DMBX1: variants seen among roughly 807,000 people sequenced by gnomAD.
DMBX1 encodes diencephalon/mesencephalon homeobox protein 1.
A neutral mutation model predicts 30.4 loss-of-function variants in DMBX1; 7 were observed. The observed-to-expected ratio is 0.23, with a 90% CI of 0.13 to 0.43. The LOEUF is 0.43. DMBX1 is among the 20% of genes least tolerant of loss of function. DMBX1 has a pLI of 1.00. For missense variants in DMBX1, 460 were observed against 508.5 expected (o/e 0.90, Z 0.92); for synonymous variants, 222 against 214.2 (o/e 1.04, Z -0.32).
intron 3 of DMBX1, among the ~76,000 whole-genome samples, chr1:46,508,815 A>AC (rs1666291716): frequency 2.4e-5 from 2 of 82,364 alleles, no homozygotes; most frequent in Non-Finnish European, 5.2e-5. Flanking sequence ...CACGCCCCCC[A>AC]CCCCCCACCC....
Position 46,510,695 on chromosome 1 carries a change from C to T in DMBX1, c.333+41C>T. Reference sequence around the variant, plus strand: ...CCTAACTAGGCCTTGCAGACAAACACCAGCCCATCAGTCTGCCCGCTTGTC... The same window carrying T: ...CCTAACTAGGCCTTGCAGACAAACATCAGCCCATCAGTCTGCCCGCTTGTC... On this transcript the variant is annotated intron_variant, in intron 4 of 5. Transcript: ENST00000360032. This position sits in a 1 kb window ranked among gnomAD's most constrained non-coding sequence, Gnocchi z 4.1. 6.3e-7 allele frequency: 1 copy of T among 1,593,020 alleles called. No individual in the cohort carries two copies. The highest frequency in any genetic ancestry group is 1.1e-5 in the South Asian group (1 of 88,868).
chr1:46,500,518 G>C (rs183687851), intron 2 of DMBX1, among the ~76,000 whole-genome samples: 1 of 151,624 alleles, frequency 6.6e-6, no homozygotes, highest in Non-Finnish European at 1.5e-5. Flanking sequence ...CATATCCAGC[G>C]AAAGACGTGG....
At chr1:46,509,158 C>T (rs1484224644) in intron 3 of DMBX1, among the ~76,000 whole-genome samples, 6 of 151,962 alleles carry the variant, frequency 3.9e-5, no homozygotes, top group South Asian at 2.1e-4. Flanking sequence ...CTGCAACCTC[C>T]GCCTCCTGGG....
chr1:46,512,120 T>A lies in DMBX1; in HGVS notation c.760T>A (p.Ser254Thr), dbSNP rs1416105169. The A allele has an allele frequency of 6.2e-7, 1 of 1,613,808 alleles. No homozygotes were observed. The highest frequency in any genetic ancestry group is 2.2e-5 in the East Asian group (1 of 44,844). The change falls in exon 6 of 6, where the codon TCC becomes ACC. Residue 254 changes from serine (S) to threonine (T), a missense_variant. Around this residue, in one of 3 missense-constraint regions of DMBX1, gnomAD observed 334 missense variants for 345.1 expected, o/e 0.97. Transcript: ENST00000360032. This position sits in a 1 kb window ranked among gnomAD's most constrained non-coding sequence, Gnocchi z 4.8. ...GGGCCCCTCCCACTCCTATTCCTCG[T>A]CCCCGCTGAGCCTCTTCCGTCTGCA... The part of the protein sequence containing the change: ...LLGPSHSYSS[S>T]PLSLFRLQEQ...
intron 2 of DMBX1, among the ~76,000 whole-genome samples, chr1:46,499,361 C>A (rs1308424048): frequency 6.6e-6 from 1 of 152,188 alleles, no homozygotes; most frequent in Non-Finnish European, 1.5e-5. Context: ...TGCTGTCCTC[C>A]TATTGCCTTG....
chr1:46,513,777 A>G lies in DMBX1; in HGVS notation c.*1283A>G, dbSNP rs1424083433. 1 of 152,270 alleles carries G rather than the reference A, an allele frequency of 6.6e-6. No individual in the cohort carries two copies. The highest frequency in any genetic ancestry group is 1.5e-5 in the Non-Finnish European group (1 of 68,054). 9.4% of individuals were successfully genotyped at this position (152,270 alleles called of 1,614,324 possible). On this transcript the variant is annotated 3_prime_UTR_variant, in exon 6 of 6. Transcript: ENST00000360032. Reference sequence around the variant, plus strand: ...CTGCTCCTGAGCACGGTGCGTGCAAAGCATATAGCAGCACATAGGCTCAGG... The same window carrying G: ...CTGCTCCTGAGCACGGTGCGTGCAAGGCATATAGCAGCACATAGGCTCAGG...
At chr1:46,511,793 G>A (rs1666377358) in intron 5 of DMBX1, among the ~76,000 whole-genome samples, 2 of 152,224 alleles carry the variant, frequency 1.3e-5, no homozygotes, top group South Asian at 4.2e-4. Flanking sequence ...TACAGCCCTT[G>A]AAAAGAAAAA....
intron 2 of DMBX1, among the ~76,000 whole-genome samples, chr1:46,501,762 C>G (rs1364528837): frequency 1.3e-5 from 2 of 151,468 alleles, no homozygotes; most frequent in Non-Finnish European, 2.9e-5. Flanking sequence ...CAAGTGATCC[C>G]CTCACTTTAG....
chr1:46,499,447 T>TA (rs543712889), intron 2 of DMBX1, among the ~76,000 whole-genome samples: 2 of 152,210 alleles, frequency 1.3e-5, no homozygotes, highest in African/African-American at 2.4e-5. Context: ...GGTTGGGAAA[T>TA]ACTAGCTAGT....
rs190265898 is a variant in DMBX1, at chr1:46,489,871, T to G, written c.-159T>G. Among the ~76,000 whole-genome samples the G allele has an allele frequency of 6.7e-3, 1,001 of 149,802 alleles. 40 individuals are homozygous for G. The highest frequency in any genetic ancestry group is 0.061 in the Admixed American group (919 of 15,134). On this transcript the variant is annotated 5_prime_UTR_variant, in exon 1 of 6. Transcript: ENST00000360032. ...GCGGAGGCGGCGGCGCGGGCCGGGG[T>G]GACCAGGTACGAGCGGGCGGGGCTG...
chr1:46,511,433 T>C, intron 5 of DMBX1, 150 bp downstream of exon 5: 1 of 959,532 alleles, frequency 1.0e-6, no homozygotes, highest in Non-Finnish European at 1.5e-6. Context: ...TTTCACCCTT[T>C]AGTTGCAGAG....
chr1:46,496,283 C>T (rs558328207), intron 2 of DMBX1, among the ~76,000 whole-genome samples: 1 of 152,272 alleles, frequency 6.6e-6, no homozygotes, highest in East Asian at 1.9e-4. Context: ...CTGCAGGGTC[C>T]TTGGTCAGGG....
intron 5 of DMBX1, among the ~76,000 whole-genome samples, chr1:46,511,679 C>T (rs1196039845): frequency 6.6e-6 from 1 of 152,042 alleles, no homozygotes; most frequent in Non-Finnish European, 1.5e-5. Context: ...TGAGGCATAT[C>T]TCAGATACAA....
intron 1 of DMBX1, among the ~76,000 whole-genome samples, 151 bp downstream of exon 1, chr1:46,490,028 A>C (rs1354639204): frequency 6.6e-6 from 1 of 152,176 alleles, no homozygotes; most frequent in Non-Finnish European, 1.5e-5. Flanking sequence ...GTTTGCAGGG[A>C]GCCAGGGACT....
At chr1:46,511,409 G>C (rs1206699547) in intron 5 of DMBX1, 126 bp downstream of exon 5, 15 of 1,126,988 alleles carry the variant, frequency 1.3e-5, no homozygotes, top group Non-Finnish European at 1.8e-5. Flanking sequence ...GACCACAGCA[G>C]GCCTGGGCCA....
In DMBX1 at chr1:46,510,959, A is replaced by C; in HGVS notation, c.358A>C (p.Lys120Gln). The C allele has an allele frequency of 6.2e-7, 1 of 1,608,702 alleles. No individual in the cohort carries two copies. The highest frequency in any genetic ancestry group is 8.5e-7 in the Non-Finnish European group (1 of 1,176,864). Residue 120 changes from lysine (K) to glutamine (Q), a missense_variant, in exon 5 of 6, where the codon AAG (lysine) becomes CAG (glutamine). By Grantham distance (53) the Lys-to-Gln change is moderately conservative (BLOSUM62 1). Around this residue, in one of 3 missense-constraint regions of DMBX1, gnomAD observed 334 missense variants for 345.1 expected, o/e 0.97. Transcript: ENST00000360032. This position sits in a 1 kb window ranked among gnomAD's most constrained non-coding sequence, Gnocchi z 4.1. The part of the protein sequence containing the change: ...VQVWFKNRRA[K>Q]FRKKQRSLQK... ...GGTGTGGTTCAAGAACCGCCGGGCC[A>C]AGTTCCGGAAGAAGCAGCGTAGCCT... is the stretch of plus-strand genomic sequence containing the variant.
chr1:46,504,919 G>A (rs1267027963), intron 2 of DMBX1, among the ~76,000 whole-genome samples: 3 of 151,862 alleles, frequency 2.0e-5, no homozygotes, highest in African/African-American at 7.3e-5. Context: ...TCTCCTTGAA[G>A]AGGTCCTTCA....
intron 1 of DMBX1, among the ~76,000 whole-genome samples, 176 bp from the exon 2 acceptor site, chr1:46,490,468 G>A (rs1665908622): frequency 6.6e-6 from 1 of 152,148 alleles, no homozygotes; most frequent in African/African-American, 2.4e-5. Context: ...CGGACCAGAT[G>A]CGGCCTGGGG....
chr1:46,513,082 A>C lies in DMBX1; in HGVS notation c.*588A>C. 1 of 150,490 alleles carries C rather than the reference A, an allele frequency of 6.6e-6. No individual in the cohort carries two copies. Among genetic ancestry groups the C allele is most frequent in the Non-Finnish European group, 1.5e-5 (1 of 67,854 alleles). 9.3% of individuals were successfully genotyped at this position (150,490 alleles called of 1,614,324 possible). A position where few individuals can be genotyped will look rare whatever the true frequency, so the allele number is the denominator to read the frequency against. On this transcript the variant is annotated 3_prime_UTR_variant, in exon 6 of 6. Transcript: ENST00000360032. ...TCTCGGCCCAGCCTCTGTATTCTCC[A>C]CCCTTGATCTTTCTCCTTGTCTCTC...
Sources: allele counts gnomAD v4.1 joint callset (sites outside exome capture counted in the v4.1 genomes callset), GRCh38; gene constraint gnomAD v4.1.1; regional missense constraint gnomAD v4.1.1; non-coding constraint Gnocchi (gnomAD v3.1); transcripts MANE v1.5; gene names NCBI Gene and HGNC (gene_info 2026-07-23, HGNC 2026-07-21).